PNPLA7: variants seen among roughly 807,000 people sequenced by gnomAD.
The protein encoded by PNPLA7 is patatin-like phospholipase domain-containing protein 7.
In PNPLA7, 153 loss-of-function variants were observed where a neutral mutation model predicts 161.7. That is an observed-to-expected ratio of 0.95 (90% confidence interval 0.83 to 1.08). PNPLA7 has a LOEUF of 1.08. Ranked by LOEUF, PNPLA7 falls within the 50% of genes least tolerant of loss-of-function variation. The pLI, the probability that PNPLA7 is intolerant of heterozygous loss-of-function variation, is 0.00. For missense variants in PNPLA7, 1,739 were observed against 1,856.6 expected (o/e 0.94, Z 1.16); for synonymous variants, 809 against 782.1 (o/e 1.03, Z -0.57).
chr9:137,530,367 C>A (rs1835526605), intron 8 of PNPLA7, among the ~76,000 whole-genome samples: 1 of 145,650 alleles, frequency 6.9e-6, no homozygotes, highest in South Asian at 2.2e-4. Flanking sequence ...GCATCTACTT[C>A]CCTGGCTCTC....
At chr9:137,475,733 G>A (rs562311565) in intron 25 of PNPLA7, among the ~76,000 whole-genome samples, 42 of 151,894 alleles carry the variant, frequency 2.8e-4, no homozygotes, top group African/African-American at 8.5e-4. Flanking sequence ...AAGAAAAAAC[G>A]GCCCTGTGAA....
In PNPLA7 at chr9:137,462,898, G is replaced by C. The variant is rs1831287735; in HGVS notation, c.3344-65C>G. ...TGCAGAGCCAGGGGACGGGGGCAGA[G>C]CCTGCCTCTCCGAGCCCTGACGTGG... On this transcript the variant is annotated intron_variant, in intron 29 of 34. Transcript: ENST00000406427. The C allele has an allele frequency of 3.8e-6, 6 of 1,590,394 alleles. No individual in the cohort carries two copies. The East Asian group carries it at 6.8e-5, about 18-fold the overall frequency.
chr9:137,536,148 A>T (rs1381088927), intron 8 of PNPLA7, among the ~76,000 whole-genome samples: 2 of 128,964 alleles, frequency 1.6e-5, no homozygotes, highest in Non-Finnish European at 3.2e-5. Context: ...CCAAGACTCC[A>T]TCACAAAAAA....
At chr9:137,477,881 G>T (rs999729453) in intron 25 of PNPLA7, among the ~76,000 whole-genome samples, 153 bp downstream of exon 25, 2 of 152,212 alleles carry the variant, frequency 1.3e-5, no homozygotes, top group Non-Finnish European at 1.5e-5. Flanking sequence ...CAGAGGACAG[G>T]CCGGGGTGGA....
At chr9:137,496,924 T>C (rs1833089535) in intron 18 of PNPLA7, among the ~76,000 whole-genome samples, 2 of 152,140 alleles carry the variant, frequency 1.3e-5, no homozygotes, top group Admixed American at 1.3e-4. Flanking sequence ...TCTGGGCCAG[T>C]GCTCCCAGAT....
intron 17 of PNPLA7, 120 bp downstream of exon 17, chr9:137,497,994 A>T: frequency 6.8e-7 from 1 of 1,467,544 alleles, no homozygotes; most frequent in East Asian, 2.3e-5. Flanking sequence ...CCAGCCTTCC[A>T]TGTGTGGTTT....
At position 137,495,063 on chromosome 9, in the gene PNPLA7, GGCTCCTGCCGGCA is replaced by G; in HGVS notation, c.2084_2096del (p.Leu695ProfsTer13). The G allele has an allele frequency of 6.2e-7, 1 of 1,610,412 alleles. No individual in the cohort carries two copies. Among genetic ancestry groups the G allele is most frequent in the Non-Finnish European group, 8.5e-7 (1 of 1,179,486 alleles). Reference sequence around the variant, plus strand: ...GGTACCTGCGCTTGATGGACGTGAGGGCTCCTGCCGGCAGCTTGGCCAATTCTGAGTCCCGAAC... The same window carrying G: ...GGTACCTGCGCTTGATGGACGTGAGGGCTTGGCCAATTCTGAGTCCCGAAC... On this transcript the variant is annotated frameshift_variant, in exon 19 of 35. Transcript: ENST00000406427. LOFTEE classifies it high-confidence loss of function.
chr9:137,504,517 A>C (rs548821866), intron 14 of PNPLA7, among the ~76,000 whole-genome samples: 2 of 152,290 alleles, frequency 1.3e-5, no homozygotes, highest in African/African-American at 4.8e-5. Context: ...TGGCCAGAAA[A>C]GCAGATTTAA....
At chr9:137,531,128 C>T (rs1835560513) in intron 8 of PNPLA7, among the ~76,000 whole-genome samples, 1 of 152,112 alleles carries the variant, frequency 6.6e-6, no homozygotes, top group Non-Finnish European at 1.5e-5. Flanking sequence ...ACAAGAAACA[C>T]AAGCACAGAA....
intron 26 of PNPLA7, 43 bp from the exon 27 acceptor site, chr9:137,464,499 T>C: frequency 6.4e-7 from 1 of 1,562,050 alleles, no homozygotes. Context: ...CCACCCTCCC[T>C]GCGGGCTGCC....
rs778999530 is a variant in PNPLA7 at position 137,460,143 on chromosome 9, G to A, written c.*250C>T. The A allele has an allele frequency of 4.7e-6, 2 of 425,860 alleles. No individual in the cohort carries two copies. Among genetic ancestry groups the A allele is most frequent in the African/African-American group, 2.0e-5 (1 of 49,240 alleles). The allele number at this position is 425,860 out of a possible 1,614,324, so 26.4% of individuals were successfully genotyped here. ...GGGGGGCCTCACAGGGCTGCAGGGG[G>A]TTCACAGAGCTTCAGGGGCCTCACA... On this transcript the variant is annotated 3_prime_UTR_variant, in exon 35 of 35. Coordinates refer to ENST00000406427, the MANE Select transcript of PNPLA7 (RefSeq NM_001098537.3).
chr9:137,496,683 C>T (rs1833076797), intron 18 of PNPLA7, among the ~76,000 whole-genome samples: 1 of 152,126 alleles, frequency 6.6e-6, no homozygotes, highest in African/African-American at 2.4e-5. Flanking sequence ...TGCACTCCAG[C>T]CTGGGCAACA....
chr9:137,533,073 C>T (rs930349267), intron 8 of PNPLA7, among the ~76,000 whole-genome samples: 1 of 149,712 alleles, frequency 6.7e-6, no homozygotes, highest in Admixed American at 6.6e-5. Flanking sequence ...GATGGGAGCA[C>T]TCTCAGACTC....
chr9:137,529,500 C>T (rs564802642), intron 8 of PNPLA7, among the ~76,000 whole-genome samples: 34 of 152,114 alleles, frequency 2.2e-4, no homozygotes, highest in Admixed American at 1.4e-3. Flanking sequence ...TTTTAGCAGG[C>T]GATTAAGCTG....
intron 4 of PNPLA7, among the ~76,000 whole-genome samples, chr9:137,545,527 C>A (rs117583503): frequency 6.6e-6 from 1 of 152,114 alleles, no homozygotes; most frequent in African/African-American, 2.4e-5. Flanking sequence ...CCTTTGTGAG[C>A]GGCAAGCGAC....
At chr9:137,465,732 T>C (rs562597124) in intron 26 of PNPLA7, among the ~76,000 whole-genome samples, 1 of 152,310 alleles carries the variant, frequency 6.6e-6, no homozygotes, top group South Asian at 2.1e-4. Context: ...TGGGAGCTGC[T>C]GCCGCACAGG....
rs1285608534 is a variant in PNPLA7, at chr9:137,490,973, A to G, written c.2197+2040T>C. ...TGCTGAGATGTGGCTGTCAGTAGAC[A>G]AGGATAAGTTAGGTATGGATAACGT... On this transcript the variant is annotated intron_variant, in intron 20 of 34. Coordinates refer to ENST00000406427, the MANE Select transcript of PNPLA7 (RefSeq NM_001098537.3). The surrounding 1 kb of genome is among the most constrained non-coding windows in gnomAD (Gnocchi z 4.1). Among the ~76,000 whole-genome samples, 5 of 152,250 alleles carry G rather than the reference A, an allele frequency of 3.3e-5. No individual in the cohort carries two copies. Among genetic ancestry groups the G allele is most frequent in the African/African-American group, 1.2e-4 (5 of 41,466 alleles).
intron 11 of PNPLA7, chr9:137,516,257 T>C: frequency 1.1e-6 from 1 of 944,412 alleles, no homozygotes; most frequent in Non-Finnish European, 1.3e-6. Flanking sequence ...TGGATGTGGC[T>C]GTCTGGGCTC....
rs1380796162 is a variant in PNPLA7, at chr9:137,524,326, T to A, written c.748-1469A>T. On this transcript the variant is annotated intron_variant, in intron 8 of 34. Coordinates refer to ENST00000406427, the MANE Select transcript of PNPLA7 (RefSeq NM_001098537.3). This position sits in a 1 kb window ranked among gnomAD's most constrained non-coding sequence, Gnocchi z 4.4. Reference sequence around the variant, plus strand: ...TCGTGGAGGCCTCGCAGGGTCTCCGTCCATTCAGCAGTCGAGATTCCCCCA... The same window carrying A: ...TCGTGGAGGCCTCGCAGGGTCTCCGACCATTCAGCAGTCGAGATTCCCCCA... Among the ~76,000 whole-genome samples, 1 of 151,490 alleles carries A rather than the reference T, an allele frequency of 6.6e-6. No individual in the cohort carries two copies. The highest frequency in any genetic ancestry group is 2.1e-4 in the South Asian group (1 of 4,802).
Sources: allele counts gnomAD v4.1 joint callset (sites outside exome capture counted in the v4.1 genomes callset), GRCh38; gene constraint gnomAD v4.1.1; non-coding constraint Gnocchi (gnomAD v3.1); transcripts MANE v1.5; gene names NCBI Gene and HGNC (gene_info 2026-07-23, HGNC 2026-07-21).